Variants in MCC observed in about 807,000 individuals in gnomAD.
MCC encodes MCC regulator of Wnt signaling pathway.
A neutral mutation model predicts 116.2 loss-of-function variants in MCC; 90 were observed. The ratio of observed to expected loss-of-function variants is 0.77; its 90% CI spans 0.65 to 0.92. The LOEUF (loss-of-function observed/expected upper bound fraction) is 0.92, where lower values mean the gene tolerates loss of function less well. MCC is among the 40% of genes least tolerant of loss of function. The pLI is 0.00. For missense variants in MCC, 1,516 were observed against 1,312.2 expected (o/e 1.16, Z -2.40); for synonymous variants, 578 against 510.5 (o/e 1.13, Z -1.78).
chr5:113,125,970 C>G (rs547508764), intron 5 of MCC, among the ~76,000 whole-genome samples: 6 of 152,172 alleles, frequency 3.9e-5, no homozygotes, highest in Non-Finnish European at 7.4e-5. Flanking sequence ...CATTTAAAAC[C>G]AGAAAAATAG....
At chr5:113,339,112 G>C (rs1767940140) in intron 3 of MCC, among the ~76,000 whole-genome samples, 1 of 151,644 alleles carries the variant, frequency 6.6e-6, no homozygotes, top group Non-Finnish European at 1.5e-5. Context: ...TGTAATCCCA[G>C]CTACTTGAGA....
intron 17 of MCC, among the ~76,000 whole-genome samples, chr5:113,036,875 T>C (rs781582595): frequency 9.9e-5 from 15 of 152,228 alleles, no homozygotes; most frequent in Non-Finnish European, 2.1e-4. Flanking sequence ...TTCTAGGCAC[T>C]TGGCTCTGGG....
At chr5:113,269,609 G>C (rs1765539641) in intron 3 of MCC, among the ~76,000 whole-genome samples, 1 of 152,172 alleles carries the variant, frequency 6.6e-6, no homozygotes, top group African/African-American at 2.4e-5. Flanking sequence ...GCTCAGGATG[G>C]AGCTTTGCTA....
intron 3 of MCC, among the ~76,000 whole-genome samples, chr5:113,224,882 A>G (rs1763677656): frequency 6.6e-6 from 1 of 152,214 alleles, no homozygotes; most frequent in Non-Finnish European, 1.5e-5. Context: ...CATCAATTAC[A>G]TAGGGCAGAC....
At chr5:113,029,097 A>G (rs1188154336) in intron 17 of MCC, 41 bp from the exon 18 acceptor site, 3 of 1,579,474 alleles carry the variant, frequency 1.9e-6, no homozygotes, top group Non-Finnish European at 2.6e-6. Context: ...GTAGTTTGAG[A>G]TGATGCTGGA....
At chr5:113,135,871 C>G (rs58322254) in intron 5 of MCC, among the ~76,000 whole-genome samples, 1 of 151,954 alleles carries the variant, frequency 6.6e-6, no homozygotes, top group African/African-American at 2.4e-5. Flanking sequence ...TGGTGAAACC[C>G]CATCTCTACT....
At chr5:113,263,319 G>C (rs1391338634) in intron 3 of MCC, among the ~76,000 whole-genome samples, 1 of 152,144 alleles carries the variant, frequency 6.6e-6, no homozygotes, top group Non-Finnish European at 1.5e-5. Context: ...GGAAGAAGGA[G>C]GAAATGGAAT....
At chr5:113,189,452 G>A (rs897906595) in intron 3 of MCC, among the ~76,000 whole-genome samples, 5 of 152,138 alleles carry the variant, frequency 3.3e-5, no homozygotes, top group African/African-American at 1.2e-4. Context: ...ATGCCCTTTA[G>A]GTGTAAGCCC....
At chr5:113,105,120 T>G (rs10060897) in intron 6 of MCC, among the ~76,000 whole-genome samples, 11,651 of 152,288 alleles carry the variant, frequency 0.077, 1,058 homozygotes, top group African/African-American at 0.22. Flanking sequence ...ATACAAATTT[T>G]GTAACCTGCT....
At chr5:113,437,388 A>G (rs1770894547) in intron 1 of MCC, among the ~76,000 whole-genome samples, 1 of 152,196 alleles carries the variant, frequency 6.6e-6, no homozygotes, top group Non-Finnish European at 1.5e-5. Flanking sequence ...GAGAGAAAAA[A>G]AATTCATTTT....
intron 3 of MCC, among the ~76,000 whole-genome samples, chr5:113,249,131 C>T (rs1051490553): frequency 1.2e-4 from 17 of 143,196 alleles, no homozygotes; most frequent in Non-Finnish European, 1.3e-4. Context: ...CGTGAGCCAC[C>T]GCACCCAGCT....
At chr5:113,466,328 C>G (rs1435675843) in intron 1 of MCC, among the ~76,000 whole-genome samples, 4 of 129,938 alleles carry the variant, frequency 3.1e-5, no homozygotes, top group Admixed American at 2.3e-4. Context: ...TGCTATCCCT[C>G]CCCCCTCCCC....
chr5:113,131,504 C>T (rs1758425305), intron 5 of MCC, among the ~76,000 whole-genome samples: 1 of 152,170 alleles, frequency 6.6e-6, no homozygotes, highest in Non-Finnish European at 1.5e-5. Context: ...ATTTAGGATA[C>T]ATTAGGCAGG....
In MCC at chr5:113,434,134, G is replaced by A. The variant is rs1199639514; in HGVS notation, c.171-48922C>T. On this transcript the variant is annotated intron_variant, in intron 1 of 18. Transcript: ENST00000408903. The surrounding 1 kb of genome is among the most constrained non-coding windows in gnomAD (Gnocchi z 4.2). ...TCGCCTGTCAGGTGCTTGGAGCGTGGGAAGTTGACGCGGTGCTCCTTCTGG... is the reference window on the plus strand; with the variant it reads ...TCGCCTGTCAGGTGCTTGGAGCGTGAGAAGTTGACGCGGTGCTCCTTCTGG... The A allele has an allele frequency of 6.2e-7, 1 of 1,614,176 alleles. No individual in the cohort carries two copies. Among genetic ancestry groups the A allele is most frequent in the Non-Finnish European group, 8.5e-7 (1 of 1,180,020 alleles).
In MCC at chr5:113,424,132, TACACACACACACACACACAC is replaced by T. The variant is rs547192248; in HGVS notation, c.171-38940_171-38921del. ...TCCCACTGGTCAAAAAGTCATCCTC[TACACACACACACACACACAC>T]ACACACACACACACACACACACACA... On this transcript the variant is annotated intron_variant, in intron 1 of 18. Coordinates refer to ENST00000408903, the MANE Select transcript of MCC (RefSeq NM_001085377.2). Among the ~76,000 whole-genome samples, 106 of 112,706 alleles carry T rather than the reference TACACACACACACACACACAC, an allele frequency of 9.4e-4. 1 individual carries two copies. In the South Asian group the frequency reaches 0.01, roughly 11 times the overall value. The allele number at this position is 112,706 out of a possible 152,430, so 73.9% of individuals were successfully genotyped here.
intron 1 of MCC, among the ~76,000 whole-genome samples, chr5:113,420,790 C>A (rs879655621): frequency 1.3e-5 from 2 of 152,178 alleles, no homozygotes; most frequent in Non-Finnish European, 2.9e-5. Flanking sequence ...AGGACGGCAG[C>A]ACAACTATTT....
At chr5:113,104,548 G>A in intron 6 of MCC, 193 bp from the exon 7 acceptor site, 1 of 437,580 alleles carries the variant, frequency 2.3e-6, no homozygotes, top group East Asian at 3.5e-5. Context: ...TTATTAAAGA[G>A]TTTCAGATGA....
At chr5:113,050,348 C>T (rs1405111151) in intron 15 of MCC, among the ~76,000 whole-genome samples, 3 of 152,140 alleles carry the variant, frequency 2.0e-5, no homozygotes, top group South Asian at 2.1e-4. Context: ...CCCAGCCCAC[C>T]GTGAGATGGA....
chr5:113,064,136 C>T lies in MCC; in HGVS notation c.2061G>A (p.Gln687=). ...GGCAGTCATGAGCTCGCTTGAGCAT[C>T]TGAGTGATGTTTTCATCCCCCGACT... is the stretch of plus-strand genomic sequence containing the variant. ...GDQSGDENIT[Q]MLKRAHDCRK... The change falls in exon 14 of 19, where the codon CAG becomes CAA. Residue 687 remains glutamine (Q), a synonymous_variant. Transcript: ENST00000408903. 1.9e-6 allele frequency: 3 copies of T among 1,613,472 alleles called. No homozygotes were observed. Among genetic ancestry groups the T allele is most frequent in the Non-Finnish European group, 2.5e-6 (3 of 1,179,634 alleles).
Sources: gnomAD v4.1 joint callset for allele counts (sites outside exome capture counted in the v4.1 genomes callset) on GRCh38, gnomAD v4.1.1 for gene constraint, Gnocchi (gnomAD v3.1) non-coding constraint, MANE v1.5 for transcripts, NCBI Gene and HGNC (gene_info 2026-07-23, HGNC 2026-07-21) for gene names.